Variants in FYB1 observed in about 807,000 individuals in gnomAD.
The protein encoded by FYB1 is FYN-binding protein 1.
A neutral mutation model predicts 94.1 loss-of-function variants in FYB1; 41 were observed. That is an observed-to-expected ratio of 0.44 (90% CI 0.34 to 0.57). The LOEUF is 0.57. FYB1 is among the 20% of genes least tolerant of loss of function. The probability of loss-of-function intolerance (pLI) is 0.02; values close to 1 mark genes in which losing one functional copy is unlikely to be tolerated. For synonymous variants in FYB1, 367 were observed against 353.2 expected (o/e 1.04, Z -0.44); for missense variants, 1,050 against 976.8 (o/e 1.07, Z -1.00).
Position 39,267,062 on chromosome 5 carries a change from A to C in FYB1, c.-28+7341T>G, listed in dbSNP as rs149270859. On this transcript the variant is annotated intron_variant, in intron 1 of 1. Transcript: ENST00000510188. ...GTAGCTGTGTGGCTGTTAGAAAATT[A>C]CTTACTCTCTACAAGACTCAGTTTA... Among the ~76,000 whole-genome samples the C allele has an allele frequency of 2.9e-3, 446 of 152,294 alleles. 1 individual carries two copies. The highest frequency in any genetic ancestry group is 2.9e-3 in the Non-Finnish European group (196 of 68,022).
In FYB1 at chr5:39,119,598, T is replaced by C. The variant is rs763252867; in HGVS notation, c.2175A>G (p.Glu725=). The C allele has an allele frequency of 6.4e-7, 1 of 1,550,594 alleles. No homozygotes were observed. Residue 725 remains glutamate, a synonymous_variant, in exon 15 of 19, where the codon GAA becomes GAG. Transcript: ENST00000512982. ...GTNVGKAKTE[E]KDLKKLKKQE... is the part of the protein sequence containing the mutation. Reference sequence around the variant, plus strand: ...GCTTTTTTAGCTTCTTAAGGTCCTTTTCTTCTGTCTTAGCTTTTCCAACAT... The same window carrying C: ...GCTTTTTTAGCTTCTTAAGGTCCTTCTCTTCTGTCTTAGCTTTTCCAACAT...
chr5:39,153,824 G>A (rs1743481739), intron 2 of FYB1, among the ~76,000 whole-genome samples: 1 of 151,924 alleles, frequency 6.6e-6, no homozygotes, highest in African/African-American at 2.4e-5. Flanking sequence ...CCCAGGCTGG[G>A]GTGCAGTGGC....
chr5:39,183,205 C>T (rs572472661), intron 2 of FYB1, among the ~76,000 whole-genome samples: 44 of 152,142 alleles, frequency 2.9e-4, no homozygotes, highest in Non-Finnish European at 2.6e-4. Context: ...AGGCTGGTCT[C>T]GAACTCCCAA....
Position 39,105,710 on chromosome 5 carries a change from A to T in FYB1, c.*1733T>A, listed in dbSNP as rs1760335954. ...ATATATATTTATTACCAAATTTAAT[A>T]AACAAAAACCACTTTTGAACCAGGT... On this transcript the variant is annotated 3_prime_UTR_variant, in exon 19 of 19. Transcript: ENST00000512982. 1 of 152,206 alleles carries T rather than the reference A, an allele frequency of 6.6e-6. No individual in the cohort carries two copies. Among genetic ancestry groups the T allele is most frequent in the Non-Finnish European group, 1.5e-5 (1 of 68,042 alleles). The allele number at this position is 152,206 out of a possible 1,614,324, so 9.4% of individuals were successfully genotyped here. A position where few individuals can be genotyped will look rare whatever the true frequency, so the allele number is the denominator to read the frequency against.
rs1743892805 is a variant in FYB1, at chr5:39,157,787, C to T, written c.1136-4183G>A. ...TGAAAAGACCATGTAGAATGTTTTC[C>T]TCAAAGAAAGACAGGATTGTGCAGG... is the stretch of plus-strand genomic sequence containing the variant. On this transcript the variant is annotated intron_variant, in intron 2 of 18. Transcript: ENST00000512982. Among the ~76,000 whole-genome samples, 3 of 152,226 alleles carry T rather than the reference C, an allele frequency of 2.0e-5. No homozygotes were observed. In the South Asian group the frequency reaches 6.2e-4, roughly 32 times the overall value.
chr5:39,139,514 G>GT (rs1741968556), intron 4 of FYB1: 1 of 227,772 alleles, frequency 4.4e-6, no homozygotes, highest in African/African-American at 2.3e-5. Flanking sequence ...TTAATACACT[G>GT]TTTATTACCT....
intron 1 of FYB1, among the ~76,000 whole-genome samples, chr5:39,249,936 G>T (rs1034965834): frequency 1.6e-4 from 24 of 152,292 alleles, no homozygotes; most frequent in African/African-American, 5.8e-4. Flanking sequence ...CCTGGTGGGA[G>T]ATGATTGGAT....
At chr5:39,169,671 T>C (rs4957359) in intron 2 of FYB1, 433,598 of 438,750 alleles carry the variant, frequency 0.99, 214,385 homozygotes, top group Non-Finnish European at 1. Flanking sequence ...ATGGTGAAAC[T>C]CTGTCTCTAT....
chr5:39,169,308 A>T, intron 2 of FYB1: 1 of 798,444 alleles, frequency 1.3e-6, no homozygotes, highest in Non-Finnish European at 2.2e-6. Context: ...AATCACAAAA[A>T]CTCATGCTAT....
intron 2 of FYB1, among the ~76,000 whole-genome samples, chr5:39,198,876 G>A (rs910838182): frequency 1.1e-4 from 16 of 151,948 alleles, no homozygotes; most frequent in African/African-American, 3.9e-4. Flanking sequence ...ATACACTTAT[G>A]CTTTAAACAT....
intron 1 of FYB1, among the ~76,000 whole-genome samples, chr5:39,248,560 C>G (rs835191): frequency 3.3e-5 from 5 of 151,952 alleles, no homozygotes; most frequent in African/African-American, 4.8e-5. Context: ...AAGTATTGGC[C>G]GGGTGCTGTG....
intron 1 of FYB1, among the ~76,000 whole-genome samples, chr5:39,245,001 T>G (rs1404392632): frequency 6.6e-6 from 1 of 152,206 alleles, no homozygotes; most frequent in Non-Finnish European, 1.5e-5. Context: ...CTTTATCATT[T>G]TTTATTGTTT....
At chr5:39,234,519 T>G (rs1390760374) in intron 1 of FYB1, among the ~76,000 whole-genome samples, 1 of 152,206 alleles carries the variant, frequency 6.6e-6, no homozygotes, top group Non-Finnish European at 1.5e-5. Flanking sequence ...AAATACCATT[T>G]GACCCAGCAA....
chr5:39,110,571 T>C, intron 16 of FYB1, 182 bp from the exon 17 acceptor site: 1 of 480,854 alleles, frequency 2.1e-6, no homozygotes, highest in East Asian at 3.5e-5. Flanking sequence ...TCTTCTCCTT[T>C]TCTCCCTAAC....
intron 3 of FYB1, among the ~76,000 whole-genome samples, chr5:39,151,582 G>A (rs1040236101): frequency 1.2e-4 from 19 of 152,156 alleles, no homozygotes; most frequent in African/African-American, 3.9e-4. Flanking sequence ...GAGCCACCAT[G>A]CCCAGCCCTG....
chr5:39,272,200 A>G (rs146823221), intron 1 of FYB1, among the ~76,000 whole-genome samples: 7 of 152,250 alleles, frequency 4.6e-5, no homozygotes, highest in Admixed American at 1.3e-4. Context: ...TGTGATTCCA[A>G]GGTATGTGCA....
At chr5:39,190,214 T>C (rs1747232949) in intron 2 of FYB1, among the ~76,000 whole-genome samples, 1 of 152,230 alleles carries the variant, frequency 6.6e-6, no homozygotes, top group Admixed American at 6.5e-5. Flanking sequence ...GTATTTTCTG[T>C]GGGTTTCACT....
chr5:39,234,788 G>C (rs1217884559), intron 1 of FYB1, among the ~76,000 whole-genome samples: 1 of 151,678 alleles, frequency 6.6e-6, no homozygotes, highest in Non-Finnish European at 1.5e-5. Flanking sequence ...AAAGTAACAG[G>C]AACAGAAAAC....
intron 3 of FYB1, among the ~76,000 whole-genome samples, chr5:39,148,150 ATT>A (rs754604795): frequency 0.044 from 2,699 of 61,506 alleles, 283 homozygotes; most frequent in East Asian, 0.1. Context: ...TATTATATGT[ATT>A]TTTTATATAT....
Sources: gnomAD v4.1 joint callset for allele counts (sites outside exome capture counted in the v4.1 genomes callset) on GRCh38, gnomAD v4.1.1 for gene constraint, MANE v1.5 for transcripts, NCBI Gene and HGNC (gene_info 2026-07-23, HGNC 2026-07-21) for gene names.